The following TOP3A variants were observed in gnomAD, a reference collection of about 807,000 sequenced individuals.
TOP3A encodes DNA topoisomerase III alpha, also known as DNA topoisomerase 3-alpha.
A neutral mutation model predicts 111.3 loss-of-function variants in TOP3A; 64 were observed. That is an observed-to-expected ratio of 0.57 (90% CI 0.47 to 0.71). The LOEUF is 0.71. Among genes scored for constraint, TOP3A ranks in the 30% least tolerant of loss-of-function variants. The probability of loss-of-function intolerance (pLI) is 0.00; values close to 1 mark genes in which losing one functional copy is unlikely to be tolerated. For synonymous variants in TOP3A, 484 were observed against 485.1 expected (o/e 1.00, Z 0.03); for missense variants, 1,104 against 1,285.0 (o/e 0.86, Z 2.15).
At position 18,272,021 on chromosome 17, in the gene TOP3A, G is replaced by A. The variant is rs1256612504; in HGVS notation, c.*2781C>T. ...GCAGAGGTTGCAGTGAGCCAAGATC[G>A]CACCACTGCACTCCAGCCTGGGCAC... On this transcript the variant is annotated 3_prime_UTR_variant, in exon 19 of 19. Coordinates refer to ENST00000321105, the MANE Select transcript of TOP3A (RefSeq NM_004618.5). 4.0e-5 allele frequency among the ~76,000 whole-genome samples: 6 copies of A among 151,748 alleles called. No individual in the cohort carries two copies. The highest frequency in any genetic ancestry group is 7.3e-5 in the African/African-American group (3 of 41,258).
intron 2 of TOP3A, chr17:18,308,670 C>CT (rs10647472): frequency 0.042 from 16,480 of 396,226 alleles, 3 homozygotes; most frequent in Middle Eastern, 0.047. Context: ...TGTATATTAG[C>CT]TTTTTTTTTT....
intron 8 of TOP3A, among the ~76,000 whole-genome samples, chr17:18,300,154 T>G (rs937524681): frequency 7.0e-6 from 1 of 143,302 alleles, no homozygotes; most frequent in African/African-American, 2.7e-5. Context: ...TCCCACCACT[T>G]TGGGAGGCCG....
chr17:18,285,425 C>T lies in TOP3A; in HGVS notation c.1693G>A (p.Gly565Ser). Residue 565 changes from glycine to serine, a missense_variant, in exon 14 of 19, where the codon GGC (glycine) becomes AGC (serine). Physicochemically the swap from Gly to Ser is moderately conservative, Grantham distance 56. Coordinates refer to ENST00000321105, the MANE Select transcript of TOP3A (RefSeq NM_004618.5). ...CCCTTACCTTCCACAAGTCCCATGC[C>T]CAGGTGCCCAGGGAGGAACCGCTTG... The part of the protein sequence containing the change: ...PDKRFLPGHL[G>S]MGLVEGYDSM... 2 of 1,614,126 alleles carry T rather than the reference C, an allele frequency of 1.2e-6. No homozygotes were observed. The highest frequency in any genetic ancestry group is 1.1e-5 in the South Asian group (1 of 91,074).
At chr17:18,304,015 A>G (rs760528749) in intron 5 of TOP3A, among the ~76,000 whole-genome samples, 3 of 152,060 alleles carry the variant, frequency 2.0e-5, no homozygotes, top group Non-Finnish European at 4.4e-5. Flanking sequence ...CCCAGGCTGG[A>G]GTGCAGTGGT....
In TOP3A at chr17:18,278,358, C is replaced by A. The variant is rs1288859493; in HGVS notation, c.2145-1G>T. 6.6e-7 allele frequency: 1 copy of A among 1,511,012 alleles called. No homozygotes were observed. Among genetic ancestry groups the A allele is most frequent in the South Asian group, 1.4e-5 (1 of 73,936 alleles). 93.6% of individuals were successfully genotyped at this position (1,511,012 alleles called of 1,614,324 possible). On this transcript the variant is annotated splice_acceptor_variant, in intron 17 of 18. Transcript: ENST00000321105. LOFTEE classifies it high-confidence loss of function. Reference sequence around the variant, plus strand: ...ACCGCGCTTAAACTTTAACTTTAACCTAGTGAGGCCAGAAGATGAGAAAAA... The same window carrying A: ...ACCGCGCTTAAACTTTAACTTTAACATAGTGAGGCCAGAAGATGAGAAAAA...
Position 18,305,226 on chromosome 17 carries a change from G to T in TOP3A, c.391-6C>A, listed in dbSNP as rs1234295552. 2 of 1,610,786 alleles carry T rather than the reference G, an allele frequency of 1.2e-6. No homozygotes were observed. The highest frequency in any genetic ancestry group is 1.7e-6 in the Non-Finnish European group (2 of 1,176,982). Reference sequence around the variant, plus strand: ...GTCTCTCGTTCCAAAGTTTTCTTAAGTTCGCAGTGGAATAAGAGTGGTGAG... The same window carrying T: ...GTCTCTCGTTCCAAAGTTTTCTTAATTTCGCAGTGGAATAAGAGTGGTGAG... On this transcript the variant is annotated splice_region_variant and splice_polypyrimidine_tract_variant and intron_variant, in intron 4 of 18. Transcript: ENST00000321105.
intron 18 of TOP3A, among the ~76,000 whole-genome samples, chr17:18,275,755 G>A (rs998457714): frequency 6.6e-6 from 1 of 150,844 alleles, no homozygotes; most frequent in East Asian, 2.0e-4. Flanking sequence ...CCGGGTTCAC[G>A]CCATTGTCCT....
Position 18,302,352 on chromosome 17 carries a change from G to A in TOP3A, c.726C>T (p.Gly242=), listed in dbSNP as rs758209649. The A allele has an allele frequency of 3.1e-6, 5 of 1,613,346 alleles. No homozygotes were observed. The highest frequency in any genetic ancestry group is 2.2e-5 in the South Asian group (2 of 91,044). The stretch of plus-strand genomic sequence containing the variant: ...AGCCCAGTGTGGGGAACTGGCAGCT[G>A]CCGTAACTGATGAGCTGCTCTGCCA... ...EVLAEQLISY[G]SCQFPTLGFV... is the part of the protein sequence containing the mutation. Residue 242 remains glycine, a synonymous_variant, in exon 7 of 19, where the codon GGC becomes GGT. Coordinates refer to ENST00000321105, the MANE Select transcript of TOP3A (RefSeq NM_004618.5).
At chr17:18,302,172 C>T in intron 7 of TOP3A, 92 bp downstream of exon 7, 1 of 1,474,482 alleles carries the variant, frequency 6.8e-7, no homozygotes, top group Non-Finnish European at 9.2e-7. Flanking sequence ...TAAAATAAAT[C>T]ACATCTTTAT....
At position 18,273,994 on chromosome 17, in the gene TOP3A, T is replaced by G. The variant is rs999370838; in HGVS notation, c.*808A>C. ...GACTGAGTCTCGCTCTGTCGTCCAG[T>G]GGCGCAATCTCAGCTAACTGCAACC... On this transcript the variant is annotated 3_prime_UTR_variant, in exon 19 of 19. Coordinates refer to ENST00000321105, the MANE Select transcript of TOP3A (RefSeq NM_004618.5). 3 of 152,204 alleles carry G rather than the reference T, an allele frequency of 2.0e-5. No homozygotes were observed. Among genetic ancestry groups the G allele is most frequent in the East Asian group, 3.9e-4 (2 of 5,194 alleles). 9.4% of individuals were successfully genotyped at this position (152,204 alleles called of 1,614,324 possible). A position where few individuals can be genotyped will look rare whatever the true frequency, so the allele number is the denominator to read the frequency against.
At chr17:18,278,656 G>A (rs534063176) in intron 17 of TOP3A, among the ~76,000 whole-genome samples, 1 of 152,216 alleles carries the variant, frequency 6.6e-6, no homozygotes, top group African/African-American at 2.4e-5. Context: ...GTGGTTCCAG[G>A]GTGCCTGAGC....
intron 17 of TOP3A, among the ~76,000 whole-genome samples, chr17:18,279,128 A>G (rs1366577830): frequency 6.6e-6 from 1 of 152,268 alleles, no homozygotes; most frequent in African/African-American, 2.4e-5. Context: ...TAAGCCAGAC[A>G]TACAAATTGC....
At chr17:18,303,339 G>A (rs1172111749) in intron 5 of TOP3A, among the ~76,000 whole-genome samples, 4 of 152,162 alleles carry the variant, frequency 2.6e-5, no homozygotes, top group African/African-American at 7.2e-5. Flanking sequence ...ATATGGCCTC[G>A]TGGGAAGGGA....
Position 18,308,342 on chromosome 17 carries a change from T to C in TOP3A, c.314+9A>G. On this transcript the variant is annotated intron_variant, in intron 3 of 18. Coordinates refer to ENST00000321105, the MANE Select transcript of TOP3A (RefSeq NM_004618.5). ...ATCTGAAAGTCCTTCCCTTGAGAAT[T>C]GTACTGACCATTTTCGAAACTGCAT... The C allele has an allele frequency of 6.3e-7, 1 of 1,575,296 alleles. No individual in the cohort carries two copies. The highest frequency in any genetic ancestry group is 1.7e-5 in the Admixed American group (1 of 58,144).
chr17:18,310,119 TATTC>T (rs745972726), intron 1 of TOP3A, among the ~76,000 whole-genome samples: 3 of 152,088 alleles, frequency 2.0e-5, no homozygotes, highest in Admixed American at 2.0e-4. Context: ...GATAGAATAT[TATTC>T]AGCCATAAAA....
chr17:18,276,026 T>C (rs1404897051), intron 18 of TOP3A, among the ~76,000 whole-genome samples: 1 of 152,160 alleles, frequency 6.6e-6, no homozygotes, highest in Non-Finnish European at 1.5e-5. Flanking sequence ...TCCAACTCTG[T>C]AAGGTTGAGG....
chr17:18,287,556 C>A (rs984704543), intron 13 of TOP3A, among the ~76,000 whole-genome samples: 1 of 151,480 alleles, frequency 6.6e-6, no homozygotes, highest in East Asian at 1.9e-4. Flanking sequence ...ACAAAAAACC[C>A]AACAAAAAAA....
chr17:18,299,291 C>T (rs1030122131), intron 9 of TOP3A, among the ~76,000 whole-genome samples: 11 of 152,022 alleles, frequency 7.2e-5, no homozygotes, highest in African/African-American at 2.4e-4. Context: ...ATTAGCTGGT[C>T]ATAGTGGTAC....
chr17:18,300,367 C>T (rs1981152125), intron 8 of TOP3A, among the ~76,000 whole-genome samples: 1 of 149,736 alleles, frequency 6.7e-6, no homozygotes, highest in Non-Finnish European at 1.5e-5. Context: ...GCACTCCAGC[C>T]TGGCAAATGA....
Sources: gnomAD v4.1 joint callset for allele counts (sites outside exome capture counted in the v4.1 genomes callset) on GRCh38, gnomAD v4.1.1 for gene constraint, MANE v1.5 for transcripts, NCBI Gene and HGNC (gene_info 2026-07-23, HGNC 2026-07-21) for gene names.